BIRC6: variants seen among roughly 807,000 people sequenced by gnomAD.
The protein encoded by BIRC6 is baculoviral IAP repeat containing 6.
Under a neutral mutation model 503.3 loss-of-function variants are expected in BIRC6, and 98 were observed. The ratio of observed to expected loss-of-function variants is 0.19; its 90% CI spans 0.17 to 0.23. The LOEUF is 0.23. Among genes scored for constraint, BIRC6 ranks in the 10% least tolerant of loss-of-function variants. The probability of loss-of-function intolerance (pLI) is 1.00; values close to 1 mark genes in which losing one functional copy is unlikely to be tolerated. For synonymous variants in BIRC6, 2,240 were observed against 2,078.7 expected, an observed-to-expected ratio of 1.08 and a Z score of -2.11; for missense variants, 5,360 against 5,806.0, an observed-to-expected ratio of 0.92 and a Z score of 2.50.
chr2:32,448,752 A>G, intron 21 of BIRC6, 43 bp from the exon 22 acceptor site: 4 of 1,576,604 alleles, frequency 2.5e-6, no homozygotes, highest in Non-Finnish European at 3.4e-6. Context: ...TGTTAATTAG[A>G]TGGCTGAAAG....
intron 71 of BIRC6, among the ~76,000 whole-genome samples, chr2:32,607,206 A>G (rs748245613): frequency 6.6e-6 from 1 of 151,732 alleles, no homozygotes; most frequent in Non-Finnish European, 1.5e-5. Context: ...CTATCTTCAT[A>G]TCTATTATTA....
intron 24 of BIRC6, 28 bp from the exon 25 acceptor site, chr2:32,464,481 A>C (rs778602539): frequency 6.5e-6 from 10 of 1,539,120 alleles, no homozygotes; most frequent in Non-Finnish European, 8.8e-6. Context: ...GGATTAGTCT[A>C]TATATGTTGC....
At chr2:32,530,136 T>G (rs529181001) in intron 60 of BIRC6, among the ~76,000 whole-genome samples, 2 of 152,340 alleles carry the variant, frequency 1.3e-5, no homozygotes, top group East Asian at 3.9e-4. Flanking sequence ...ATAATTTATA[T>G]TGAGTGGCAT....
intron 13 of BIRC6, 37 bp from the exon 14 acceptor site, chr2:32,435,459 G>T: frequency 6.6e-7 from 1 of 1,523,624 alleles, no homozygotes; most frequent in African/African-American, 1.4e-5. Context: ...TCTAGAAACA[G>T]CAGTAGATAG....
chr2:32,417,775 T>G (rs2042534042), intron 10 of BIRC6, among the ~76,000 whole-genome samples: 1 of 152,178 alleles, frequency 6.6e-6, no homozygotes, highest in South Asian at 2.1e-4. Flanking sequence ...TGAAATTATT[T>G]TTTTATTTTT....
At chr2:32,469,316 AGT>A (rs1389617879) in intron 29 of BIRC6, 77 bp from the exon 30 acceptor site, 2 of 1,012,712 alleles carry the variant, frequency 2.0e-6, no homozygotes, top group African/African-American at 1.6e-5. Flanking sequence ...AAAAGAGGAA[AGT>A]GTATTTAGGC....
At position 32,531,419 on chromosome 2, in the gene BIRC6, G is replaced by T. The variant is rs1048930073; in HGVS notation, c.12159G>T (p.Met4053Ile). Residue 4053 changes from methionine (M) to isoleucine (I), a missense_variant, in exon 61 of 74, where the codon ATG becomes ATT. This residue lies in a region of BIRC6 where 878 missense variants were observed against 928.9 expected (regional missense o/e 0.95). Coordinates refer to ENST00000421745, the MANE Select transcript of BIRC6 (RefSeq NM_016252.4). ...CTCTCACTCCAGGTGATGAATGCAT[G>T]GATGGGATACTGGATGAATCTTTGC... ...DEALTPGDEC[M>I]DGILDESLLE... The T allele has an allele frequency of 1.2e-6, 2 of 1,613,726 alleles. No individual in the cohort carries two copies. Among genetic ancestry groups the T allele is most frequent in the African/African-American group, 2.7e-5 (2 of 74,898 alleles).
intron 1 of BIRC6, among the ~76,000 whole-genome samples, chr2:32,371,592 A>G (rs2035962481): frequency 6.6e-6 from 1 of 152,068 alleles, no homozygotes; most frequent in Admixed American, 6.6e-5. Flanking sequence ...TGTGTTACCC[A>G]GGCTGCTCTC....
chr2:32,425,260 A>G (rs942768834), intron 10 of BIRC6, among the ~76,000 whole-genome samples: 1 of 152,058 alleles, frequency 6.6e-6, no homozygotes, highest in Non-Finnish European at 1.5e-5. Flanking sequence ...ATTTTGAAAA[A>G]GTCCAGTTTA....
chr2:32,415,136 T>C lies in BIRC6; in HGVS notation c.1845T>C (p.Asn615=), dbSNP rs2042265885. 6.2e-7 allele frequency: 1 copy of C among 1,613,990 alleles called. No individual in the cohort carries two copies. The highest frequency in any genetic ancestry group is 8.5e-7 in the Non-Finnish European group (1 of 1,179,886). ...QGSTDNESCT[N]SELNSPLVRR... Reference sequence around the variant, plus strand: ...CAACTGACAATGAATCCTGCACTAATTCAGAACTAAATTCTCCTCTGGTAA... The same window carrying C: ...CAACTGACAATGAATCCTGCACTAACTCAGAACTAAATTCTCCTCTGGTAA... Residue 615 remains asparagine, a synonymous_variant, in exon 10 of 74, where the codon AAT becomes AAC. Coordinates refer to ENST00000421745, the MANE Select transcript of BIRC6 (RefSeq NM_016252.4).
At chr2:32,575,514 C>T (rs1388468128) in intron 66 of BIRC6, 148 bp downstream of exon 66, 4 of 704,796 alleles carry the variant, frequency 5.7e-6, no homozygotes, top group Non-Finnish European at 9.5e-6. Flanking sequence ...CCTGTAATCC[C>T]AGCACTGTGG....
intron 69 of BIRC6, 73 bp from the exon 70 acceptor site, chr2:32,599,666 T>A: frequency 6.8e-7 from 1 of 1,464,728 alleles, no homozygotes; most frequent in Non-Finnish European, 9.4e-7. Flanking sequence ...TTATTTCATG[T>A]TGGATTGTAT....
intron 51 of BIRC6, among the ~76,000 whole-genome samples, chr2:32,509,040 G>A (rs1422714848): frequency 3.3e-5 from 4 of 120,848 alleles, no homozygotes; most frequent in Non-Finnish European, 6.8e-5. Flanking sequence ...CTGCACTCCA[G>A]CCTGGGTGAG....
At chr2:32,512,795 T>G (rs2054578526) in intron 53 of BIRC6, 138 bp from the exon 54 acceptor site, 1 of 675,072 alleles carries the variant, frequency 1.5e-6, no homozygotes, top group Non-Finnish European at 2.5e-6. Context: ...TTTTCCTATT[T>G]TAGATTAAAA....
At chr2:32,600,841 G>A (rs2062007802) in intron 70 of BIRC6, among the ~76,000 whole-genome samples, 1 of 152,104 alleles carries the variant, frequency 6.6e-6, no homozygotes, top group South Asian at 2.1e-4. Context: ...TATATCTACA[G>A]ATAGGTATGA....
chr2:32,549,553 A>C, intron 65 of BIRC6, 72 bp downstream of exon 65: 2 of 1,218,062 alleles, frequency 1.6e-6, no homozygotes, highest in Non-Finnish European at 2.1e-6. Context: ...TCTAATAGTA[A>C]GTTTCAGTTG....
chr2:32,433,032 C>A (rs1169445292), intron 12 of BIRC6, among the ~76,000 whole-genome samples: 2 of 151,976 alleles, frequency 1.3e-5, no homozygotes, highest in African/African-American at 2.4e-5. Context: ...TTTGGAGGTA[C>A]AAGGAATAGA....
At position 32,487,864 on chromosome 2, in the gene BIRC6, C is replaced by T. The variant is rs189279317; in HGVS notation, c.7968+63C>T. On this transcript the variant is annotated intron_variant, in intron 41 of 73. Transcript: ENST00000421745. ...ATTGTTAGCCTGGTAAAAGATGAAA[C>T]TAATTGGGAAGTTCATTCTAATCCT... is the stretch of plus-strand genomic sequence containing the variant. 1,071 of 1,395,576 alleles carry T rather than the reference C, an allele frequency of 7.7e-4. 7 individuals carry two copies. Among genetic ancestry groups the T allele is most frequent in the East Asian group, 6.9e-3 (301 of 43,394 alleles). 86.4% of individuals were successfully genotyped at this position (1,395,576 alleles called of 1,614,324 possible). A position where few individuals can be genotyped will look rare whatever the true frequency, so the allele number is the denominator to read the frequency against.
intron 15 of BIRC6, among the ~76,000 whole-genome samples, chr2:32,437,701 T>C (rs1473285584): frequency 2.6e-5 from 4 of 152,210 alleles, no homozygotes; most frequent in Admixed American, 2.6e-4. Context: ...CATTTCCTTT[T>C]AGCATCATAT....
Sources: allele counts gnomAD v4.1 joint callset (sites outside exome capture counted in the v4.1 genomes callset), GRCh38; gene constraint gnomAD v4.1.1; regional missense constraint gnomAD v4.1.1; transcripts MANE v1.5; gene names NCBI Gene and HGNC (gene_info 2026-07-23, HGNC 2026-07-21).